The following DCTN4 variants were observed in gnomAD, a reference collection of about 807,000 sequenced individuals.
DCTN4 encodes dynactin 4 (p62).
DCTN4 carries 23 observed loss-of-function variants against 62.7 expected under a neutral mutation model. The ratio of observed to expected loss-of-function variants is 0.37; its 90% CI spans 0.26 to 0.52. The LOEUF is 0.52. DCTN4 is among the 20% of genes least tolerant of loss of function. The probability of loss-of-function intolerance (pLI) is 0.92; values close to 1 mark genes in which losing one functional copy is unlikely to be tolerated. For missense variants in DCTN4, 514 were observed against 580.4 expected (o/e 0.89, Z 1.18); for synonymous variants, 199 against 202.1 (o/e 0.98, Z 0.13).
chr5:150,742,087 C>T (rs1301031343), intron 4 of DCTN4, 27 bp downstream of exon 4: 2 of 1,609,320 alleles, frequency 1.2e-6, no homozygotes, highest in East Asian at 4.5e-5. Flanking sequence ...CGATTTCATC[C>T]TCTCTCTCTT....
chr5:150,713,883 A>G (rs1387730480), intron 12 of DCTN4, among the ~76,000 whole-genome samples: 1 of 151,910 alleles, frequency 6.6e-6, no homozygotes, highest in African/African-American at 2.4e-5. Flanking sequence ...TTGGGAGACC[A>G]AGTCGGGTGG....
chr5:150,755,638 C>G (rs1752833729), intron 2 of DCTN4: 1 of 453,212 alleles, frequency 2.2e-6, no homozygotes, highest in African/African-American at 2.0e-5. Flanking sequence ...CAGTACTCCT[C>G]AATACTTTTG....
At position 150,758,997 on chromosome 5, in the gene DCTN4, G is replaced by A; in HGVS notation, c.-4C>T. On this transcript the variant is annotated 5_prime_UTR_variant, in exon 1 of 13. Coordinates refer to ENST00000447998, the MANE Select transcript of DCTN4 (RefSeq NM_016221.4). ...CCGACTGCAGCAAGGACGCCATCTTGGGGAGGGAGGAGGCGATGACGCTCC... is the reference window on the plus strand; with the variant it reads ...CCGACTGCAGCAAGGACGCCATCTTAGGGAGGGAGGAGGCGATGACGCTCC... 4 of 1,613,502 alleles carry A rather than the reference G, an allele frequency of 2.5e-6. No individual in the cohort carries two copies. The highest frequency in any genetic ancestry group is 3.4e-6 in the Non-Finnish European group (4 of 1,179,538).
At chr5:150,753,342 G>C in intron 3 of DCTN4, 137 bp downstream of exon 3, 1 of 676,402 alleles carries the variant, frequency 1.5e-6, no homozygotes, top group Non-Finnish European at 2.4e-6. Flanking sequence ...TGAACATATG[G>C]GAACACAGAA....
chr5:150,723,461 A>G (rs925854419), intron 8 of DCTN4, among the ~76,000 whole-genome samples: 2 of 152,184 alleles, frequency 1.3e-5, no homozygotes, highest in African/African-American at 4.8e-5. Flanking sequence ...CCTATGCTTT[A>G]AAGTACAGTA....
intron 12 of DCTN4, among the ~76,000 whole-genome samples, chr5:150,713,487 A>T (rs1759646521): frequency 7.1e-6 from 1 of 140,356 alleles, no homozygotes; most frequent in African/African-American, 2.7e-5. Flanking sequence ...TCTGTTGCCC[A>T]GGCTGGAGTG....
intron 12 of DCTN4, among the ~76,000 whole-genome samples, chr5:150,714,278 C>A (rs887659597): frequency 2.0e-5 from 3 of 152,120 alleles, no homozygotes; most frequent in African/African-American, 4.8e-5. Flanking sequence ...CAGCAGCGGG[C>A]TCTAAAGGGA....
Position 150,752,557 on chromosome 5 carries a change from T to C in DCTN4, c.385+922A>G, listed in dbSNP as rs561109681. Among the ~76,000 whole-genome samples the C allele has an allele frequency of 4.6e-5, 7 of 152,372 alleles. No homozygotes were observed. The East Asian group carries it at 9.6e-4, about 21-fold the overall frequency. ...AATTGGTCTCCAAGATAGACTACCA[T>C]AGTGTATGAGAGAACTATTCTCCTA... On this transcript the variant is annotated intron_variant, in intron 3 of 12. Transcript: ENST00000447998.
chr5:150,740,649 C>T (rs1195027021), intron 4 of DCTN4, among the ~76,000 whole-genome samples: 1 of 152,156 alleles, frequency 6.6e-6, no homozygotes, highest in Non-Finnish European at 1.5e-5. Context: ...GAAACCGGTC[C>T]AAATGCCCAT....
At position 150,709,767 on chromosome 5, in the gene DCTN4, G is replaced by GT. The variant is rs764958057; in HGVS notation, c.*1381dup. ...AGCTTACAAGGACTATGTCCCATCT[G>GT]TATTCTACATTATAATGTTATCTTT... On this transcript the variant is annotated 3_prime_UTR_variant, in exon 13 of 13. Transcript: ENST00000447998. 4 of 152,290 alleles carry GT rather than the reference G, an allele frequency of 2.6e-5. No homozygotes were observed. The highest frequency in any genetic ancestry group is 5.9e-5 in the Non-Finnish European group (4 of 68,022). 9.4% of individuals were successfully genotyped at this position (152,290 alleles called of 1,614,324 possible).
chr5:150,715,528 C>A (rs1759722126), intron 12 of DCTN4, 37 bp downstream of exon 12: 1 of 1,532,988 alleles, frequency 6.5e-7, no homozygotes. Flanking sequence ...CTATTATCAG[C>A]CATTTGTTGT....
chr5:150,747,479 C>T (rs1752497587), intron 3 of DCTN4, among the ~76,000 whole-genome samples: 1 of 152,130 alleles, frequency 6.6e-6, no homozygotes, highest in Admixed American at 6.6e-5. Flanking sequence ...CCCGCATTGC[C>T]AAGTCAATCC....
chr5:150,757,963 T>C (rs1752924194), intron 1 of DCTN4: 2 of 678,126 alleles, frequency 2.9e-6, no homozygotes, highest in African/African-American at 3.9e-5. Context: ...AAAAAAAATT[T>C]TTTAAAAAAA....
chr5:150,753,805 C>T (rs1752762939), intron 2 of DCTN4, 148 bp from the exon 3 acceptor site: 1 of 728,748 alleles, frequency 1.4e-6, no homozygotes, highest in East Asian at 2.7e-5. Flanking sequence ...TTCAAGAGTA[C>T]TATATGTTCA....
intron 9 of DCTN4, among the ~76,000 whole-genome samples, chr5:150,721,841 TAG>T (rs1303489645): frequency 6.6e-6 from 1 of 152,154 alleles, no homozygotes; most frequent in Non-Finnish European, 1.5e-5. Context: ...TTTTTTTCCT[TAG>T]AGAGAGAGTC....
rs150669636 is a variant in DCTN4, at chr5:150,749,312, A to C, written c.385+4167T>G. ...ACAAAACCCAGTTAAAAAGTAGGGA[A>C]AAGATTTGTACAGACAGTTCACCAA... On this transcript the variant is annotated intron_variant, in intron 3 of 12. Coordinates refer to ENST00000447998, the MANE Select transcript of DCTN4 (RefSeq NM_016221.4). 3.4e-3 allele frequency among the ~76,000 whole-genome samples: 513 copies of C among 152,376 alleles called. 1 individual carries two copies. The highest frequency in any genetic ancestry group is 6.2e-3 in the Non-Finnish European group (422 of 68,030).
intron 4 of DCTN4, among the ~76,000 whole-genome samples, chr5:150,736,468 C>A (rs1261882885): frequency 6.6e-6 from 1 of 152,178 alleles, no homozygotes; most frequent in Non-Finnish European, 1.5e-5. Flanking sequence ...CCTCCTTAAA[C>A]AAAACAATTA....
chr5:150,747,533 C>G (rs1279734146), intron 3 of DCTN4, among the ~76,000 whole-genome samples: 1 of 152,226 alleles, frequency 6.6e-6, no homozygotes, highest in Non-Finnish European at 1.5e-5. Context: ...TAACTGACTT[C>G]AAACTATACT....
intron 8 of DCTN4, among the ~76,000 whole-genome samples, chr5:150,726,304 C>T (rs1238137222): frequency 6.6e-6 from 1 of 152,132 alleles, no homozygotes. Flanking sequence ...AGCTTTGGAC[C>T]AACCCCACAA....
Sources: gnomAD v4.1 joint callset for allele counts (sites outside exome capture counted in the v4.1 genomes callset) on GRCh38, gnomAD v4.1.1 for gene constraint, MANE v1.5 for transcripts, NCBI Gene and HGNC (gene_info 2026-07-23, HGNC 2026-07-21) for gene names.